The following CDC123 variants were observed in gnomAD, a reference collection of about 807,000 sequenced individuals.
CDC123 encodes translation initiation factor eIF2 assembly protein.
A neutral mutation model predicts 54.4 loss-of-function variants in CDC123; 37 were observed. The observed-to-expected ratio is 0.68, with a 90% confidence interval of 0.52 to 0.89. The LOEUF (loss-of-function observed/expected upper bound fraction) is 0.89. Ranked by LOEUF, CDC123 falls within the 40% of genes least tolerant of loss-of-function variation. The pLI, the probability that CDC123 is intolerant of heterozygous loss-of-function variation, is 0.00. For missense variants in CDC123, 361 were observed against 412.1 expected (o/e 0.88, Z 1.07); for synonymous variants, 144 against 136.8 (o/e 1.05, Z -0.37).
intron 12 of CDC123, 98 bp downstream of exon 12, chr10:12,249,816 A>G (rs1027909525): frequency 1.2e-5 from 17 of 1,442,234 alleles, no homozygotes; most frequent in Non-Finnish European, 1.5e-5. Context: ...TATCACCTAG[A>G]CTTTGATGGT....
intron 7 of CDC123, among the ~76,000 whole-genome samples, 154 bp from the exon 8 acceptor site, chr10:12,234,894 A>ATG (rs1835958739): frequency 1.3e-5 from 2 of 151,960 alleles, no homozygotes; most frequent in South Asian, 4.2e-4. Flanking sequence ...GCTGACAGGC[A>ATG]TGTGCCATCA....
chr10:12,214,331 G>A (rs1416480718), intron 4 of CDC123, among the ~76,000 whole-genome samples: 1 of 152,222 alleles, frequency 6.6e-6, no homozygotes, highest in Admixed American at 6.5e-5. Flanking sequence ...AGCGGTAGGG[G>A]AGCCAAGTCA....
At chr10:12,203,205 A>T (rs1835466349) in intron 2 of CDC123, among the ~76,000 whole-genome samples, 1 of 152,176 alleles carries the variant, frequency 6.6e-6, no homozygotes. Flanking sequence ...ATGGCTGTGG[A>T]GGTCTGCCAT....
chr10:12,226,964 A>G (rs1015901704), intron 6 of CDC123, among the ~76,000 whole-genome samples: 7 of 152,114 alleles, frequency 4.6e-5, no homozygotes, highest in African/African-American at 1.7e-4. Flanking sequence ...AGCCTGGGCA[A>G]CATTGAGCAC....
intron 10 of CDC123, among the ~76,000 whole-genome samples, chr10:12,240,105 T>G (rs916620372): frequency 6.6e-6 from 1 of 152,148 alleles, no homozygotes; most frequent in African/African-American, 2.4e-5. Flanking sequence ...GAGGATTAGT[T>G]TATTTTTTAA....
chr10:12,230,014 T>A (rs1835877517), intron 6 of CDC123, among the ~76,000 whole-genome samples: 1 of 152,216 alleles, frequency 6.6e-6, no homozygotes, highest in African/African-American at 2.4e-5. Flanking sequence ...AGTTTGAGTC[T>A]TGTTGTGGCC....
chr10:12,227,573 C>G (rs1347263955), intron 6 of CDC123, among the ~76,000 whole-genome samples: 2 of 151,864 alleles, frequency 1.3e-5, no homozygotes, highest in Non-Finnish European at 1.5e-5. Context: ...TCTCAGATCA[C>G]TGCAACCTTC....
chr10:12,234,180 C>T (rs183501977), intron 7 of CDC123, among the ~76,000 whole-genome samples: 3 of 152,260 alleles, frequency 2.0e-5, no homozygotes, highest in South Asian at 4.1e-4. Flanking sequence ...CTGCAACCTC[C>T]GCTTCCTGGG....
intron 12 of CDC123, 154 bp from the exon 13 acceptor site, chr10:12,250,157 C>G (rs955038252): frequency 1.9e-6 from 1 of 514,692 alleles, no homozygotes; most frequent in Admixed American, 3.9e-5. Context: ...GCTCAGGAGT[C>G]AAAGTGATAA....
intron 5 of CDC123, among the ~76,000 whole-genome samples, chr10:12,216,383 A>G (rs1035730714): frequency 9.2e-5 from 14 of 152,226 alleles, no homozygotes; most frequent in African/African-American, 3.4e-4. Flanking sequence ...ACCTATTTGT[A>G]ATTTCAAAAG....
chr10:12,206,090 G>A (rs548228527), intron 2 of CDC123, among the ~76,000 whole-genome samples: 3 of 152,152 alleles, frequency 2.0e-5, no homozygotes, highest in Non-Finnish European at 2.9e-5. Context: ...GTGAGCCACC[G>A]TACTTGGCCA....
chr10:12,237,084 T>G, intron 8 of CDC123, 60 bp from the exon 9 acceptor site: 1 of 1,446,544 alleles, frequency 6.9e-7, no homozygotes, highest in South Asian at 1.6e-5. Flanking sequence ...TTAAATCACG[T>G]ATTGATGTTT....
chr10:12,229,829 C>A (rs1326841442), intron 6 of CDC123, among the ~76,000 whole-genome samples: 1 of 152,216 alleles, frequency 6.6e-6, no homozygotes, highest in Admixed American at 6.5e-5. Context: ...CTGAATGGAT[C>A]TATCTGAGTT....
intron 4 of CDC123, among the ~76,000 whole-genome samples, chr10:12,211,697 G>A (rs1835604490): frequency 6.6e-6 from 1 of 152,248 alleles, no homozygotes; most frequent in Non-Finnish European, 1.5e-5. Context: ...AGATGACAGT[G>A]CTGTCAGATC....
intron 6 of CDC123, among the ~76,000 whole-genome samples, chr10:12,224,082 T>C (rs1298857058): frequency 6.6e-6 from 1 of 152,124 alleles, no homozygotes; most frequent in Non-Finnish European, 1.5e-5. Flanking sequence ...CTTCATAGCT[T>C]AGCTCCCACT....
At chr10:12,241,053 T>C (rs1449562178) in intron 10 of CDC123, among the ~76,000 whole-genome samples, 1 of 152,196 alleles carries the variant, frequency 6.6e-6, no homozygotes, top group Non-Finnish European at 1.5e-5. Context: ...TCACAGTACC[T>C]GCAGGCTTCC....
intron 5 of CDC123, among the ~76,000 whole-genome samples, 169 bp downstream of exon 5, chr10:12,216,004 C>G (rs1480768451): frequency 6.6e-6 from 1 of 152,118 alleles, no homozygotes; most frequent in Non-Finnish European, 1.5e-5. Context: ...TTTTGCTATA[C>G]ACTTGCCTGG....
In CDC123 at chr10:12,217,408, C is replaced by T. The variant is rs1835676899; in HGVS notation, c.381C>T (p.Leu127=). 3.1e-6 allele frequency: 5 copies of T among 1,614,070 alleles called. No individual in the cohort carries two copies. The highest frequency in any genetic ancestry group is 4.2e-6 in the Non-Finnish European group (5 of 1,179,978). ...ATAGTTCTCTGAAATGTAAAACCCTCAGCGACATCTTTCTGCTTTTCAAGA... is the reference window on the plus strand; with the variant it reads ...ATAGTTCTCTGAAATGTAAAACCCTTAGCGACATCTTTCTGCTTTTCAAGA... ...AMNSSLKCKT[L]SDIFLLFKSS... is the part of the protein sequence containing the mutation. Residue 127 remains leucine (L), a synonymous_variant, in exon 6 of 13, where the codon CTC becomes CTT. Coordinates refer to ENST00000281141, the MANE Select transcript of CDC123 (RefSeq NM_006023.3).
At chr10:12,224,344 A>G (rs1835777408) in intron 6 of CDC123, among the ~76,000 whole-genome samples, 1 of 151,844 alleles carries the variant, frequency 6.6e-6, no homozygotes, top group Non-Finnish European at 1.5e-5. Context: ...TTGCTTTCCA[A>G]AATTCCTGTT....
Sources: gnomAD v4.1 joint callset for allele counts (sites outside exome capture counted in the v4.1 genomes callset) on GRCh38, gnomAD v4.1.1 for gene constraint, MANE v1.5 for transcripts, NCBI Gene and HGNC (gene_info 2026-07-23, HGNC 2026-07-21) for gene names.